Variants in CARD14 observed in about 807,000 individuals in gnomAD.
CARD14 encodes the protein caspase recruitment domain-containing protein 14.
CARD14 carries 107 observed loss-of-function variants against 111.5 expected under a neutral mutation model. The observed-to-expected ratio is 0.96, with a 90% confidence interval of 0.82 to 1.13. CARD14 has a LOEUF of 1.13. CARD14 is among the 50% of genes most tolerant of loss of function. CARD14 has a pLI of 0.00. For synonymous variants in CARD14, 617 were observed against 579.6 expected, an observed-to-expected ratio of 1.06 and a Z score of -0.93; for missense variants, 1,322 against 1,362.3, an observed-to-expected ratio of 0.97 and a Z score of 0.47.
chr17:80,182,238 G>A lies in CARD14; in HGVS notation c.212-415G>A, dbSNP rs934837674. On this transcript the variant is annotated intron_variant, in intron 5 of 23. Transcript: ENST00000648509. This position sits in a 1 kb window ranked among gnomAD's most constrained non-coding sequence, Gnocchi z 4.7. ...TCTGGGACCTGTCACCCGCAGCCCC[G>A]GGGTGCCACTCTGCTTTCTGTGCGC... Among the ~76,000 whole-genome samples the A allele has an allele frequency of 3.9e-5, 6 of 152,264 alleles. No homozygotes were observed. The highest frequency in any genetic ancestry group is 2.6e-4 in the Admixed American group (4 of 15,304).
intron 7 of CARD14, 107 bp downstream of exon 7, chr17:80,184,345 A>G: frequency 1.0e-6 from 1 of 991,468 alleles, no homozygotes; most frequent in Non-Finnish European, 1.4e-6. Flanking sequence ...TTCCTTGTCT[A>G]ACACTTCCCT....
intron 22 of CARD14, among the ~76,000 whole-genome samples, chr17:80,206,323 G>A (rs1178636875): frequency 1.4e-5 from 1 of 73,186 alleles, no homozygotes; most frequent in Non-Finnish European, 3.7e-5. Context: ...AATAAAAAGA[G>A]AAGAAAGTAG....
At chr17:80,207,215 G>C in intron 23 of CARD14, 130 bp downstream of exon 23, 1 of 619,028 alleles carries the variant, frequency 1.6e-6, no homozygotes, top group South Asian at 2.0e-5. Flanking sequence ...GGCCGTTTCC[G>C]CACAACTTTG....
At chr17:80,181,292 G>A in intron 4 of CARD14, 127 bp from the exon 5 acceptor site, 1 of 688,190 alleles carries the variant, frequency 1.5e-6, no homozygotes, top group Non-Finnish European at 2.4e-6. Context: ...TCAAGACTGT[G>A]GGTTCTGACT....
chr17:80,205,378 G>T (rs895821216), intron 21 of CARD14, 153 bp from the exon 22 acceptor site: 2 of 1,182,782 alleles, frequency 1.7e-6, no homozygotes, highest in Non-Finnish European at 1.2e-6. Flanking sequence ...GGCACAGAGC[G>T]GGGTGTGCAG....
At chr17:80,175,727 G>A (rs2040008865) in intron 2 of CARD14, among the ~76,000 whole-genome samples, 1 of 152,170 alleles carries the variant, frequency 6.6e-6, no homozygotes, top group African/African-American at 2.4e-5. Flanking sequence ...ACGCTGAACA[G>A]GCAGGGCCTG....
At position 80,195,587 on chromosome 17, in the gene CARD14, CG is replaced by C. The variant is rs1567887807; in HGVS notation, c.1532del (p.Gly511GlufsTer18). 1 of 1,612,778 alleles carries C rather than the reference CG, an allele frequency of 6.2e-7. No homozygotes were observed. Among genetic ancestry groups the C allele is most frequent in the Admixed American group, 1.7e-5 (1 of 59,988 alleles). ...SSCLEIPEGDPGALPGAKAGD... is the reference protein window; with the variant it reads ...SSCLEIPEGDXGALPGAKAGD... ...TGCCTGGAGATCCCGGAGGGAGACCCGGGAGCCCTGCCGGGAGCTAAGGCAG... is the reference window on the plus strand; with the variant it reads ...TGCCTGGAGATCCCGGAGGGAGACCCGGAGCCCTGCCGGGAGCTAAGGCAG... On this transcript the variant is annotated frameshift_variant, in exon 14 of 24. Coordinates refer to ENST00000648509, the MANE Select transcript of CARD14 (RefSeq NM_001366385.1). LOFTEE classifies it high-confidence loss of function. The surrounding 1 kb of genome is among the most constrained non-coding windows in gnomAD (Gnocchi z 4.7).
In CARD14 at chr17:80,198,572, C is replaced by T. The variant is rs540396879; in HGVS notation, c.1832C>T (p.Pro611Leu). 59 of 1,612,558 alleles carry T rather than the reference C, an allele frequency of 3.7e-5. No homozygotes were observed. The highest frequency in any genetic ancestry group is 1.7e-4 in the Admixed American group (10 of 59,976). Residue 611 changes from proline (P) to leucine (L), a missense_variant, in exon 16 of 24, where the codon CCG becomes CTG. Transcript: ENST00000648509. The surrounding 1 kb of genome is among the most constrained non-coding windows in gnomAD (Gnocchi z 7.5). ...GCGGCGGACCAGATGGCCTTGCGCC[C>T]GGGCACCCAGATTGTGATGGTGAGC... is the stretch of plus-strand genomic sequence containing the variant. ...GSAADQMALR[P>L]GTQIVMVDYE... is the part of the protein sequence containing the mutation.
chr17:80,179,699 G>T (rs1311265442), intron 4 of CARD14, among the ~76,000 whole-genome samples: 1 of 152,188 alleles, frequency 6.6e-6, no homozygotes, highest in Non-Finnish European at 1.5e-5. Context: ...AGGCATGGTG[G>T]CGCATGCCTG....
At chr17:80,171,754 G>GTCT (rs1180531437) in intron 1 of CARD14, among the ~76,000 whole-genome samples, 1 of 152,224 alleles carries the variant, frequency 6.6e-6, no homozygotes, top group Non-Finnish European at 1.5e-5. Flanking sequence ...CAGAGCCCCT[G>GTCT]TCTTCAGCTG....
At position 80,204,336 on chromosome 17, in the gene CARD14, TGGAG is replaced by T; in HGVS notation, c.2396_2398+1del. 1.9e-6 allele frequency: 3 copies of T among 1,570,802 alleles called. No individual in the cohort carries two copies. Among genetic ancestry groups the T allele is most frequent in the Non-Finnish European group, 2.6e-6 (3 of 1,152,836 alleles). ...AGGGGCCAGTTGGACCCCAGCAGGA[TGGAG>T]GGTGAGGCCTGGTGAGCTGGCACAG... is the stretch of plus-strand genomic sequence containing the variant. On this transcript the variant is annotated frameshift_variant and splice_region_variant, in exon 20 of 24. Transcript: ENST00000648509. LOFTEE classifies it high-confidence loss of function.
Position 80,189,692 on chromosome 17 carries a change from G to C in CARD14, c.844-61G>C. The C allele has an allele frequency of 6.9e-7, 1 of 1,454,434 alleles. No individual in the cohort carries two copies. The highest frequency in any genetic ancestry group is 9.0e-7 in the Non-Finnish European group (1 of 1,107,864). The allele number at this position is 1,454,434 out of a possible 1,614,324, so 90.1% of individuals were successfully genotyped here. A position where few individuals can be genotyped will look rare whatever the true frequency, so the allele number is the denominator to read the frequency against. On this transcript the variant is annotated intron_variant, in intron 8 of 23. Transcript: ENST00000648509. This position sits in a 1 kb window ranked among gnomAD's most constrained non-coding sequence, Gnocchi z 4.7. The stretch of plus-strand genomic sequence containing the variant: ...GTTGCCGCCATCTTCTCGGGATTCT[G>C]CTTGCCTAGGGCAGGCCTCTGGGGA...
Position 80,201,712 on chromosome 17 carries a change from GA to G in CARD14, c.1852-29del. 6.2e-7 allele frequency: 1 copy of G among 1,613,176 alleles called. No homozygotes were observed. On this transcript the variant is annotated intron_variant, in intron 16 of 23. Transcript: ENST00000648509. The surrounding 1 kb of genome is among the most constrained non-coding windows in gnomAD (Gnocchi z 5.0). ...TCTGGCTGGATTCAGAGTCCCGGGGGAAAGAGACTGACCTTCTCGACTTGCC... is the reference window on the plus strand; with the variant it reads ...TCTGGCTGGATTCAGAGTCCCGGGGGAAGAGACTGACCTTCTCGACTTGCC...
intron 20 of CARD14, 72 bp from the exon 21 acceptor site, chr17:80,204,963 C>A: frequency 7.5e-7 from 1 of 1,340,484 alleles, no homozygotes; most frequent in South Asian, 1.5e-5. Flanking sequence ...AGACCCAGTC[C>A]CTCCCGGGGC....
chr17:80,171,360 C>T (rs1000647163), intron 1 of CARD14, among the ~76,000 whole-genome samples: 1 of 150,378 alleles, frequency 6.6e-6, no homozygotes, highest in African/African-American at 2.5e-5. Flanking sequence ...GCTCTGTCAC[C>T]CAGGCTGGAG....
At chr17:80,191,033 C>T in intron 10 of CARD14, 134 bp downstream of exon 10, 2 of 1,264,558 alleles carry the variant, frequency 1.6e-6, no homozygotes, top group East Asian at 4.9e-5. Context: ...TTTCCTCGGT[C>T]CACACGAAGT....
At chr17:80,205,888 G>A (rs2041272763) in intron 22 of CARD14, 2 of 449,994 alleles carry the variant, frequency 4.4e-6, no homozygotes, top group Non-Finnish European at 3.9e-6. Flanking sequence ...CAGCTTGGGG[G>A]ATGTTTAATA....
chr17:80,181,516 C>T lies in CARD14; in HGVS notation c.78C>T (p.His26=). 6.3e-7 allele frequency: 1 copy of T among 1,590,230 alleles called. No homozygotes were observed. Among genetic ancestry groups the T allele is most frequent in the Non-Finnish European group, 8.6e-7 (1 of 1,168,562 alleles). Residue 26 remains histidine (H), a synonymous_variant, in exon 5 of 24, where the codon CAC becomes CAT. Transcript: ENST00000648509. ...CACTGTGGGAGATGATGGAGAGCCACCGCCACAGGATCGTACGCTGCATCT... is the reference window on the plus strand; with the variant it reads ...CACTGTGGGAGATGATGGAGAGCCATCGCCACAGGATCGTACGCTGCATCT... ...EETLWEMMES[H]RHRIVRCICP... is the part of the protein sequence containing the mutation.
chr17:80,175,952 G>T (rs1301619669), intron 2 of CARD14, among the ~76,000 whole-genome samples: 4 of 53,472 alleles, frequency 7.5e-5, no homozygotes, highest in East Asian at 1.3e-3. Flanking sequence ...CTCTCGGATC[G>T]TTTTTTTTTT....
Sources: allele counts gnomAD v4.1 joint callset (sites outside exome capture counted in the v4.1 genomes callset), GRCh38; gene constraint gnomAD v4.1.1; non-coding constraint Gnocchi (gnomAD v3.1); transcripts MANE v1.5; gene names NCBI Gene and HGNC (gene_info 2026-07-23, HGNC 2026-07-21).